The following CPNE8 variants were observed in gnomAD, a reference collection of about 807,000 sequenced individuals.
CPNE8 encodes copine-8.
Under a neutral mutation model 81.5 loss-of-function variants are expected in CPNE8, and 45 were observed. The observed-to-expected ratio is 0.55, with a 90% confidence interval of 0.44 to 0.71. The LOEUF is 0.71. Among genes scored for constraint, CPNE8 ranks in the 30% least tolerant of loss-of-function variants. CPNE8 has a pLI of 0.00. For missense variants in CPNE8, 594 were observed against 672.1 expected, an observed-to-expected ratio of 0.88 and a Z score of 1.28; for synonymous variants, 252 against 226.3, an observed-to-expected ratio of 1.11 and a Z score of -1.02.
intron 6 of CPNE8, among the ~76,000 whole-genome samples, chr12:38,791,123 A>C (rs1459876227): frequency 6.6e-6 from 1 of 151,652 alleles, no homozygotes. Context: ...AATAATTTTA[A>C]ACTTATTAAA....
intron 19 of CPNE8, among the ~76,000 whole-genome samples, chr12:38,654,555 C>T (rs996838691): frequency 6.7e-6 from 1 of 149,732 alleles, no homozygotes; most frequent in African/African-American, 2.4e-5. Flanking sequence ...CTACAAATAG[C>T]TATAAGTGAC....
intron 6 of CPNE8, among the ~76,000 whole-genome samples, chr12:38,785,066 G>A (rs901647054): frequency 5.9e-5 from 9 of 152,046 alleles, no homozygotes; most frequent in East Asian, 3.9e-4. Flanking sequence ...GCGATGGCAC[G>A]TGCCTGTAGT....
intron 10 of CPNE8, among the ~76,000 whole-genome samples, chr12:38,748,673 T>G (rs1310473265): frequency 6.6e-6 from 1 of 152,058 alleles, no homozygotes; most frequent in Admixed American, 6.5e-5. Context: ...GCTAATTTTT[T>G]TTTGTATTTT....
At chr12:38,748,716 G>T (rs1414603783) in intron 10 of CPNE8, among the ~76,000 whole-genome samples, 1 of 151,954 alleles carries the variant, frequency 6.6e-6, no homozygotes, top group Non-Finnish European at 1.5e-5. Flanking sequence ...TGTTAGCCAG[G>T]ATGGTCTCAA....
chr12:38,820,278 A>G (rs981521940), intron 6 of CPNE8, among the ~76,000 whole-genome samples: 1 of 151,636 alleles, frequency 6.6e-6, no homozygotes, highest in Non-Finnish European at 1.5e-5. Context: ...GGTGATGTGC[A>G]CCTATAATCC....
At chr12:38,797,095 T>C (rs1264629216) in intron 6 of CPNE8, among the ~76,000 whole-genome samples, 1 of 152,180 alleles carries the variant, frequency 6.6e-6, no homozygotes, top group African/African-American at 2.4e-5. Context: ...TGCCTGCCTC[T>C]GTAGGCTCCA....
At chr12:38,741,381 A>G (rs1034459230) in intron 10 of CPNE8, among the ~76,000 whole-genome samples, 2 of 152,158 alleles carry the variant, frequency 1.3e-5, no homozygotes, top group Non-Finnish European at 2.9e-5. Flanking sequence ...AATACCACAC[A>G]TCTACAACCA....
At chr12:38,875,846 A>G (rs1349016950) in intron 1 of CPNE8, among the ~76,000 whole-genome samples, 1 of 152,220 alleles carries the variant, frequency 6.6e-6, no homozygotes, top group Non-Finnish European at 1.5e-5. Context: ...AGCAGACACC[A>G]TGACTCCAGC....
chr12:38,741,779 A>C (rs1322066012), intron 10 of CPNE8, among the ~76,000 whole-genome samples: 1 of 152,062 alleles, frequency 6.6e-6, no homozygotes, highest in African/African-American at 2.4e-5. Flanking sequence ...CTCATCTGAC[A>C]AAGGGCTAAT....
chr12:38,860,362 A>G (rs917108981), intron 3 of CPNE8, among the ~76,000 whole-genome samples: 1 of 141,044 alleles, frequency 7.1e-6, no homozygotes, highest in Non-Finnish European at 1.5e-5. Context: ...ATATTGTCTC[A>G]TGCCTGTTAG....
intron 6 of CPNE8, among the ~76,000 whole-genome samples, chr12:38,823,370 G>T (rs182846686): frequency 6.6e-6 from 1 of 152,178 alleles, no homozygotes; most frequent in African/African-American, 2.4e-5. Context: ...ATTATCACTT[G>T]CCTCTGAGTC....
intron 5 of CPNE8, among the ~76,000 whole-genome samples, chr12:38,838,626 T>C (rs1943421837): frequency 6.6e-6 from 1 of 152,142 alleles, no homozygotes; most frequent in South Asian, 2.1e-4. Flanking sequence ...TAAACCTTAA[T>C]CATGAGCAGG....
upstream of CPNE8, chr12:38,906,187 G>A (rs1370777712): frequency 2.0e-6 from 2 of 985,452 alleles, no homozygotes; most frequent in Non-Finnish European, 2.4e-6. Flanking sequence ...CTCCTACTGT[G>A]CCCTCGGGCA....
At chr12:38,748,352 G>C (rs1279088287) in intron 10 of CPNE8, among the ~76,000 whole-genome samples, 1 of 152,104 alleles carries the variant, frequency 6.6e-6, no homozygotes, top group African/African-American at 2.4e-5. Flanking sequence ...TTTGATGGAA[G>C]TACCACAATT....
At chr12:38,787,899 A>T (rs1229859309) in intron 6 of CPNE8, among the ~76,000 whole-genome samples, 7 of 151,328 alleles carry the variant, frequency 4.6e-5, no homozygotes, top group Admixed American at 4.6e-4. Context: ...AACTTGAAGA[A>T]ATCCAAAACC....
intron 7 of CPNE8, among the ~76,000 whole-genome samples, chr12:38,774,530 C>CT (rs1941881865): frequency 1.3e-5 from 2 of 151,958 alleles, no homozygotes; most frequent in Admixed American, 6.6e-5. Flanking sequence ...TTCTAAGGCA[C>CT]TGGGTAGTAT....
chr12:38,877,252 A>G (rs1052289584), intron 1 of CPNE8, among the ~76,000 whole-genome samples: 1 of 152,222 alleles, frequency 6.6e-6, no homozygotes, highest in African/African-American at 2.4e-5. Context: ...ATAAAGAGAG[A>G]TGCTGCTTAT....
intron 4 of CPNE8, among the ~76,000 whole-genome samples, chr12:38,840,215 A>C: frequency 6.6e-6 from 1 of 152,170 alleles, no homozygotes; most frequent in East Asian, 1.9e-4. Context: ...ACTTTTTGAT[A>C]AGTTTAAACT....
chr12:38,837,010 G>A (rs116921482), intron 5 of CPNE8, among the ~76,000 whole-genome samples: 264 of 151,950 alleles, frequency 1.7e-3, no homozygotes, highest in Middle Eastern at 6.8e-3. Context: ...CTGTATAGTC[G>A]ACTAAATATA....
Sources: gnomAD v4.1 joint callset for allele counts (sites outside exome capture counted in the v4.1 genomes callset) on GRCh38, gnomAD v4.1.1 for gene constraint, MANE v1.5 for transcripts, NCBI Gene and HGNC (gene_info 2026-07-23, HGNC 2026-07-21) for gene names.